The following MTMR2 variants were observed in gnomAD, a reference collection of about 807,000 sequenced individuals.
MTMR2 encodes myotubularin related protein 2.
In MTMR2, 55 loss-of-function variants were observed where a neutral mutation model predicts 86.9. That is an observed-to-expected ratio of 0.63 (90% confidence interval 0.51 to 0.79). The LOEUF is 0.79. Among genes scored for constraint, MTMR2 ranks in the 30% least tolerant of loss-of-function variants. MTMR2 has a pLI of 0.00. For synonymous variants in MTMR2, 241 were observed against 266.8 expected, an observed-to-expected ratio of 0.90 and a Z score of 0.94; for missense variants, 659 against 772.3, an observed-to-expected ratio of 0.85 and a Z score of 1.74.
At chr11:95,884,591 G>C (rs1400471585) in intron 2 of MTMR2, among the ~76,000 whole-genome samples, 1 of 152,156 alleles carries the variant, frequency 6.6e-6, no homozygotes, top group Non-Finnish European at 1.5e-5. Flanking sequence ...TGGATCACAG[G>C]ATTGTTGAGA....
At chr11:95,874,429 T>C (rs574317783) in intron 2 of MTMR2, among the ~76,000 whole-genome samples, 8 of 152,318 alleles carry the variant, frequency 5.3e-5, no homozygotes, top group African/African-American at 1.7e-4. Flanking sequence ...CTGCCTTTTT[T>C]TGTTTTCCAT....
chr11:95,870,729 T>C (rs1475556534), intron 2 of MTMR2, among the ~76,000 whole-genome samples: 4 of 135,270 alleles, frequency 3.0e-5, no homozygotes, highest in Non-Finnish European at 4.6e-5. Flanking sequence ...GGTTCTTTTT[T>C]TCTTTTTCTT....
Position 95,847,822 on chromosome 11 carries a change from A to G in MTMR2, c.1071T>C (p.His357=), listed in dbSNP as rs2135434145. The change falls in exon 10 of 15, where the codon CAT becomes CAC. Residue 357 remains histidine, a synonymous_variant. Coordinates refer to ENST00000346299, the MANE Select transcript of MTMR2 (RefSeq NM_016156.6). ...ELVFLDIHNI[H]VMRESLRKLK... is the part of the protein sequence containing the mutation. ...GTTTTCGTAATGATTCTCTCATAAC[A>G]TGAATATTGTGGATATCCAGGAAAA... is the stretch of plus-strand genomic sequence containing the variant. 2 of 1,613,754 alleles carry G rather than the reference A, an allele frequency of 1.2e-6. No individual in the cohort carries two copies. The highest frequency in any genetic ancestry group is 1.7e-6 in the Non-Finnish European group (2 of 1,179,700).
At chr11:95,901,253 G>T (rs1315268219) in intron 1 of MTMR2, among the ~76,000 whole-genome samples, 1 of 152,062 alleles carries the variant, frequency 6.6e-6, no homozygotes, top group Non-Finnish European at 1.5e-5. Context: ...ACTAGTCAAA[G>T]CATTTGACTA....
At chr11:95,874,981 G>C (rs1865049179) in intron 2 of MTMR2, among the ~76,000 whole-genome samples, 1 of 152,008 alleles carries the variant, frequency 6.6e-6, no homozygotes. Flanking sequence ...AGTCTGATGG[G>C]CTTCCCTTTG....
At chr11:95,879,407 T>G (rs767034675) in intron 2 of MTMR2, among the ~76,000 whole-genome samples, 1 of 152,208 alleles carries the variant, frequency 6.6e-6, no homozygotes, top group Non-Finnish European at 1.5e-5. Flanking sequence ...TCCCATAATC[T>G]GCAATGTTCA....
chr11:95,914,432 A>G, intron 1 of MTMR2: 1 of 882,868 alleles, frequency 1.1e-6, no homozygotes, highest in Non-Finnish European at 1.4e-6. Flanking sequence ...TTTGGCAATT[A>G]CTTGCTTCAT....
intron 11 of MTMR2, among the ~76,000 whole-genome samples, chr11:95,842,129 T>C (rs1388463557): frequency 6.6e-6 from 1 of 152,112 alleles, no homozygotes; most frequent in Non-Finnish European, 1.5e-5. Context: ...TTAAAGAGCA[T>C]TGCAAAGTAA....
chr11:95,840,571 A>G lies in MTMR2; in HGVS notation c.1479+1046T>C, dbSNP rs547667912. ...AATTGTATACACCTTTTCAGTATAT[A>G]TGCTAAAATACTAGTCTCATCATAT... On this transcript the variant is annotated intron_variant, in intron 12 of 14. Transcript: ENST00000346299. 2.6e-5 allele frequency among the ~76,000 whole-genome samples: 4 copies of G among 152,270 alleles called. 1 individual carries two copies. Among genetic ancestry groups the G allele is most frequent in the African/African-American group, 4.8e-5 (2 of 41,550 alleles).
chr11:95,873,073 TTC>T (rs1382631250), intron 2 of MTMR2, among the ~76,000 whole-genome samples: 4 of 152,210 alleles, frequency 2.6e-5, no homozygotes, highest in Non-Finnish European at 4.4e-5. Flanking sequence ...TGGTCTAAAA[TTC>T]TCTTTTTTTG....
At chr11:95,874,181 T>C (rs186932651) in intron 2 of MTMR2, among the ~76,000 whole-genome samples, 34 of 152,340 alleles carry the variant, frequency 2.2e-4, no homozygotes, top group African/African-American at 7.9e-4. Context: ...ATCTGTCTAA[T>C]ATTGACAGTG....
At chr11:95,900,085 G>A (rs1036188622) in intron 1 of MTMR2, among the ~76,000 whole-genome samples, 9 of 152,100 alleles carry the variant, frequency 5.9e-5, no homozygotes, top group African/African-American at 2.2e-4. Flanking sequence ...AATAGACAAC[G>A]GAACGAGGCC....
chr11:95,856,614 G>C (rs1311042593), intron 7 of MTMR2, among the ~76,000 whole-genome samples: 1 of 150,996 alleles, frequency 6.6e-6, no homozygotes, highest in Non-Finnish European at 1.5e-5. Flanking sequence ...TTATGTAGAA[G>C]CTAATGCTCT....
chr11:95,909,027 GATCAAAACAGTA>G (rs1055612122), intron 1 of MTMR2, among the ~76,000 whole-genome samples: 6 of 152,058 alleles, frequency 3.9e-5, no homozygotes, highest in African/African-American at 1.4e-4. Context: ...TCCACCATAA[GATCAAAACAGTA>G]ATCCCATCAT....
At chr11:95,866,374 C>T (rs1472792177) in intron 2 of MTMR2, 1 of 152,204 alleles carries the variant, frequency 6.6e-6, no homozygotes, top group African/African-American at 2.4e-5. Flanking sequence ...CTACCAAAAG[C>T]CTTCCTCACC....
chr11:95,857,522 A>C, intron 7 of MTMR2, 30 bp downstream of exon 7: 1 of 1,495,606 alleles, frequency 6.7e-7, no homozygotes. Flanking sequence ...AATACAAAAT[A>C]CTAAAATTGA....
chr11:95,896,602 A>G (rs140862400), intron 1 of MTMR2, among the ~76,000 whole-genome samples: 1 of 152,216 alleles, frequency 6.6e-6, no homozygotes, highest in African/African-American at 2.4e-5. Flanking sequence ...CACTCAGGAA[A>G]TATTTGTTAA....
intron 10 of MTMR2, among the ~76,000 whole-genome samples, chr11:95,847,358 G>A (rs572963378): frequency 4.1e-4 from 63 of 152,244 alleles, no homozygotes; most frequent in African/African-American, 1.5e-3. Flanking sequence ...CAAAGTACAC[G>A]CTAGTTCCTG....
chr11:95,849,934 G>T, intron 8 of MTMR2, 72 bp from the exon 9 acceptor site: 1 of 1,376,440 alleles, frequency 7.3e-7, no homozygotes, highest in Non-Finnish European at 1.0e-6. Context: ...ACAGTACTCA[G>T]TAAAGCTCTG....
Sources: allele counts gnomAD v4.1 joint callset (sites outside exome capture counted in the v4.1 genomes callset), GRCh38; gene constraint gnomAD v4.1.1; transcripts MANE v1.5; gene names NCBI Gene and HGNC (gene_info 2026-07-23, HGNC 2026-07-21).